Variants in PLOD2 observed in about 807,000 individuals in gnomAD.
The protein encoded by PLOD2 is procollagen-lysine,2-oxoglutarate 5-dioxygenase 2, also known as lysine hydroxylase 2.
PLOD2 carries 65 observed loss-of-function variants against 101.0 expected under a neutral mutation model. The observed-to-expected ratio is 0.64, with a 90% CI of 0.53 to 0.79. The LOEUF is 0.79. Ranked by LOEUF, PLOD2 falls within the 30% of genes least tolerant of loss-of-function variation. The probability of loss-of-function intolerance (pLI) is 0.00; values close to 1 mark genes in which losing one functional copy is unlikely to be tolerated. For missense variants in PLOD2, 909 were observed against 914.6 expected (o/e 0.99, Z 0.08); for synonymous variants, 314 against 302.9 (o/e 1.04, Z -0.38).
intron 1 of PLOD2, among the ~76,000 whole-genome samples, chr3:146,159,815 G>A (rs2108155556): frequency 6.6e-6 from 1 of 152,288 alleles, no homozygotes; most frequent in South Asian, 2.1e-4. Flanking sequence ...GCACTGTTTT[G>A]TAGAAAGATA....
At chr3:146,094,961 G>C (rs1937099255) in intron 7 of PLOD2, among the ~76,000 whole-genome samples, 1 of 152,076 alleles carries the variant, frequency 6.6e-6, no homozygotes, top group Non-Finnish European at 1.5e-5. Flanking sequence ...ACAAAAACAA[G>C]CAATGGGGAA....
Position 146,110,390 on chromosome 3 carries a change from T to C in PLOD2, c.397A>G (p.Asn133Asp), listed in dbSNP as rs1937607431. The change falls in exon 4 of 20, where the codon AAC becomes GAC. Residue 133 changes from asparagine (N) to aspartate (D), a missense_variant. By Grantham distance (23) the Asn-to-Asp change is conservative. Transcript: ENST00000282903. ...TCTGCTGCAAAGACCACTTTGTGGT[T>C]TGCCTTTTGGAATTTTTTTAGAACT... ...EEVLKKFQKANHKVVFAADGI... is the reference protein window; with the variant it reads ...EEVLKKFQKADHKVVFAADGI... 2 of 1,613,572 alleles carry C rather than the reference T, an allele frequency of 1.2e-6. No individual in the cohort carries two copies. The highest frequency in any genetic ancestry group is 1.7e-5 in the Admixed American group (1 of 59,956).
chr3:146,149,908 T>C (rs2108138921), intron 1 of PLOD2, among the ~76,000 whole-genome samples: 1 of 151,942 alleles, frequency 6.6e-6, no homozygotes, highest in East Asian at 1.9e-4. Flanking sequence ...AAAATCCACC[T>C]GGAAACAGTA....
At chr3:146,081,604 T>G (rs1294408656) in intron 12 of PLOD2, 134 bp downstream of exon 12, 1 of 633,320 alleles carries the variant, frequency 1.6e-6, no homozygotes, top group African/African-American at 1.8e-5. Flanking sequence ...GGATTCCAAG[T>G]GGTCTTGGGT....
intron 1 of PLOD2, among the ~76,000 whole-genome samples, chr3:146,134,106 T>C (rs1426487934): frequency 6.6e-6 from 1 of 152,190 alleles, no homozygotes; most frequent in Non-Finnish European, 1.5e-5. Flanking sequence ...ACCAACTCAT[T>C]ACATTTGAAG....
At chr3:146,123,329 T>C (rs1219639313) in intron 2 of PLOD2, 18 of 1,106,826 alleles carry the variant, frequency 1.6e-5, no homozygotes, top group Non-Finnish European at 1.8e-5. Flanking sequence ...CTTCTTTCTA[T>C]TAAAAAAAAC....
intron 3 of PLOD2, among the ~76,000 whole-genome samples, chr3:146,113,727 CTG>C (rs1937757084): frequency 6.6e-6 from 1 of 152,128 alleles, no homozygotes; most frequent in African/African-American, 2.4e-5. Flanking sequence ...ATTGCATTAA[CTG>C]TGCAAATCGT....
At chr3:146,103,099 T>C (rs1301017864) in intron 6 of PLOD2, among the ~76,000 whole-genome samples, 4 of 152,184 alleles carry the variant, frequency 2.6e-5, no homozygotes, top group East Asian at 1.9e-4. Context: ...AGTAAAGTGA[T>C]TGAGGTGCTA....
intron 4 of PLOD2, among the ~76,000 whole-genome samples, chr3:146,108,223 C>T: frequency 6.6e-6 from 1 of 152,066 alleles, no homozygotes; most frequent in East Asian, 1.9e-4. Context: ...CTCTGCCACC[C>T]AGGCTAGAGT....
intron 1 of PLOD2, among the ~76,000 whole-genome samples, chr3:146,134,205 G>C (rs983954161): frequency 2.0e-5 from 3 of 152,108 alleles, no homozygotes; most frequent in Admixed American, 6.6e-5. Flanking sequence ...GAGGAGTGCG[G>C]ATTACATATC....
intron 12 of PLOD2, 139 bp from the exon 13 acceptor site, chr3:146,079,396 T>TGA (rs965626086): frequency 1.2e-5 from 8 of 665,854 alleles, no homozygotes; most frequent in Admixed American, 1.2e-4. Context: ...ATATATTCAA[T>TGA]GATATATATA....
chr3:146,070,865 C>A lies in PLOD2; in HGVS notation c.2129G>T (p.Gly710Val). Residue 710 changes from glycine to valine, a missense_variant, in exon 20 of 20, where the codon GGT becomes GTT. Coordinates refer to ENST00000282903, the MANE Select transcript of PLOD2 (RefSeq NM_182943.3). ...GCAATTGTACCTTAGAAATTTGCAA[C>A]CACCTCCCTAAAAAAGTTAAAATGA... Reference protein sequence around the residue: ...NNVGEDFQGGGCKFLRYNCSI... With the variant: ...NNVGEDFQGGVCKFLRYNCSI... 6.2e-7 allele frequency: 1 copy of A among 1,608,044 alleles called. No individual in the cohort carries two copies. Among genetic ancestry groups the A allele is most frequent in the Non-Finnish European group, 8.5e-7 (1 of 1,175,804 alleles).
chr3:146,088,738 A>T (rs1367108171), intron 8 of PLOD2, 27 bp from the exon 9 acceptor site: 1 of 1,556,614 alleles, frequency 6.4e-7, no homozygotes, highest in Admixed American at 1.7e-5. Flanking sequence ...ACATAAAAAT[A>T]AAATTATCAT....
At chr3:146,097,563 T>C (rs1157216243) in intron 7 of PLOD2, among the ~76,000 whole-genome samples, 1 of 111,564 alleles carries the variant, frequency 9.0e-6, no homozygotes, top group African/African-American at 3.5e-5. Flanking sequence ...TTAAGGGCGG[T>C]GCAAGATGTG....
chr3:146,079,345 G>T, intron 12 of PLOD2, 88 bp from the exon 13 acceptor site: 2 of 978,072 alleles, frequency 2.0e-6, no homozygotes, highest in African/African-American at 1.6e-5. Flanking sequence ...AATGCTTTGT[G>T]TTTAGATTTT....
intron 3 of PLOD2, among the ~76,000 whole-genome samples, chr3:146,114,575 G>A (rs1370049795): frequency 6.6e-6 from 1 of 152,096 alleles, no homozygotes; most frequent in Non-Finnish European, 1.5e-5. Flanking sequence ...CAACCAAACT[G>A]CATAATCATA....
At chr3:146,090,498 T>C (rs3804666) in intron 8 of PLOD2, among the ~76,000 whole-genome samples, 75,046 of 151,398 alleles carry the variant, frequency 0.5, 18,684 homozygotes, top group East Asian at 0.56. Flanking sequence ...AGATAAAAAG[T>C]ATTAACTCGC....
At chr3:146,100,248 A>G (rs978925615) in intron 7 of PLOD2, among the ~76,000 whole-genome samples, 3 of 152,178 alleles carry the variant, frequency 2.0e-5, no homozygotes, top group African/African-American at 7.2e-5. Flanking sequence ...TCCCAAGAAT[A>G]ATGCTAGGTC....
chr3:146,083,577 CTTTT>C (rs869301001), intron 11 of PLOD2, among the ~76,000 whole-genome samples: 1 of 75,792 alleles, frequency 1.3e-5, no homozygotes, highest in African/African-American at 5.2e-5. Flanking sequence ...AAGTCTTTTT[CTTTT>C]TTTTTTTTTT....
Sources: allele counts gnomAD v4.1 joint callset (sites outside exome capture counted in the v4.1 genomes callset), GRCh38; gene constraint gnomAD v4.1.1; transcripts MANE v1.5; gene names NCBI Gene and HGNC (gene_info 2026-07-23, HGNC 2026-07-21).